The following GALNTL6 variants were observed in gnomAD, a reference collection of about 807,000 sequenced individuals.
The protein encoded by GALNTL6 is polypeptide N-acetylgalactosaminyltransferase like 6.
A neutral mutation model predicts 73.7 loss-of-function variants in GALNTL6; 46 were observed. The observed-to-expected ratio is 0.62, with a 90% confidence interval of 0.49 to 0.80. The LOEUF is 0.80. Among genes scored for constraint, GALNTL6 ranks in the 30% least tolerant of loss-of-function variants. The pLI, the probability that GALNTL6 is intolerant of heterozygous loss-of-function variation, is 0.00. For synonymous variants in GALNTL6, 259 were observed against 263.7 expected (o/e 0.98, Z 0.17); for missense variants, 604 against 755.0 (o/e 0.80, Z 2.34).
intron 3 of GALNTL6, among the ~76,000 whole-genome samples, chr4:172,245,231 G>T (rs965642854): frequency 1.3e-5 from 2 of 152,084 alleles, no homozygotes; most frequent in Non-Finnish European, 2.9e-5. Flanking sequence ...ATGTAAATTT[G>T]TATTTTCTAC....
chr4:172,139,278 T>C (rs72700951), intron 2 of GALNTL6, among the ~76,000 whole-genome samples: 60,696 of 152,056 alleles, frequency 0.4, 12,386 homozygotes, highest in Admixed American at 0.42. Context: ...GTTAAAGTGC[T>C]TCCTTTAAAG....
chr4:172,058,381 C>G (rs1731094305), intron 2 of GALNTL6, among the ~76,000 whole-genome samples: 1 of 152,076 alleles, frequency 6.6e-6, no homozygotes, highest in Non-Finnish European at 1.5e-5. Context: ...AAAATAAGAT[C>G]TCGAAAAATA....
At chr4:173,032,571 C>G (rs1753515768) in intron 12 of GALNTL6, among the ~76,000 whole-genome samples, 1 of 152,022 alleles carries the variant, frequency 6.6e-6, no homozygotes, top group Non-Finnish European at 1.5e-5. Flanking sequence ...GCATGTGGTC[C>G]CAGCTACTCA....
chr4:171,866,052 TA>T (rs1420760587), intron 2 of GALNTL6, among the ~76,000 whole-genome samples: 1 of 152,144 alleles, frequency 6.6e-6, no homozygotes, highest in Non-Finnish European at 1.5e-5. Flanking sequence ...AGAGACTTGT[TA>T]TCAATAGAAA....
chr4:172,408,384 C>A (rs1347721283), intron 5 of GALNTL6, among the ~76,000 whole-genome samples: 1 of 151,776 alleles, frequency 6.6e-6, no homozygotes, highest in African/African-American at 2.4e-5. Context: ...ATGAAAAAGG[C>A]CTGTGTTTGG....
intron 5 of GALNTL6, among the ~76,000 whole-genome samples, chr4:172,574,114 G>T (rs112806283): frequency 6.6e-6 from 1 of 152,192 alleles, no homozygotes; most frequent in East Asian, 1.9e-4. Context: ...TTCCTGTTTC[G>T]ATTTGACTTA....
At chr4:173,033,385 CAAAAA>C (rs56814083) in intron 12 of GALNTL6, among the ~76,000 whole-genome samples, 2 of 142,516 alleles carry the variant, frequency 1.4e-5, no homozygotes, top group Non-Finnish European at 1.5e-5. Context: ...TTCTAGCTGT[CAAAAA>C]AAAAAAAAAA....
At chr4:171,920,801 C>T (rs2110978220) in intron 2 of GALNTL6, among the ~76,000 whole-genome samples, 1 of 152,172 alleles carries the variant, frequency 6.6e-6, no homozygotes, top group Non-Finnish European at 1.5e-5. Flanking sequence ...TTAATAGAAA[C>T]TGGTATAAAA....
chr4:172,607,088 T>C (rs542557556), intron 5 of GALNTL6, among the ~76,000 whole-genome samples: 1 of 152,138 alleles, frequency 6.6e-6, no homozygotes, highest in African/African-American at 2.4e-5. Flanking sequence ...GTATAAATGA[T>C]ATTTGAAGTC....
intron 5 of GALNTL6, among the ~76,000 whole-genome samples, chr4:172,781,206 C>T (rs548579723): frequency 6.6e-6 from 1 of 152,136 alleles, no homozygotes; most frequent in South Asian, 2.1e-4. Context: ...TAAATGCTAC[C>T]CAGAAATTGA....
intron 11 of GALNTL6, among the ~76,000 whole-genome samples, chr4:173,009,614 C>A (rs1443567645): frequency 6.6e-6 from 1 of 152,194 alleles, no homozygotes; most frequent in African/African-American, 2.4e-5. Flanking sequence ...ACAGAGGAAG[C>A]CTGTAGAGTG....
intron 2 of GALNTL6, among the ~76,000 whole-genome samples, chr4:171,859,574 G>T (rs1201032481): frequency 6.6e-6 from 1 of 152,106 alleles, no homozygotes; most frequent in East Asian, 1.9e-4. Flanking sequence ...ATGACAAAAG[G>T]ATACAGGTTA....
At position 172,609,802 on chromosome 4, in the gene GALNTL6, T is replaced by A. The variant is rs536789550; in HGVS notation, c.554-199559T>A. 1.5e-3 allele frequency among the ~76,000 whole-genome samples: 222 copies of A among 151,904 alleles called. 3 individuals are homozygous for A. The highest frequency in any genetic ancestry group is 5.2e-3 in the African/African-American group (216 of 41,370). On this transcript the variant is annotated intron_variant, in intron 5 of 12. Transcript: ENST00000506823. ...TTCTTTGTACACCTGGTAGAATTTG[T>A]CTATGAATCCGTCTGGTCCTGGATT...
At chr4:172,260,509 C>G (rs72702866) in intron 3 of GALNTL6, among the ~76,000 whole-genome samples, 7,068 of 151,226 alleles carry the variant, frequency 0.047, 252 homozygotes, top group Non-Finnish European at 0.072. Flanking sequence ...TTTTGAATGA[C>G]TCTTTATGGA....
intron 10 of GALNTL6, among the ~76,000 whole-genome samples, chr4:172,956,160 G>T (rs898429241): frequency 2.0e-5 from 3 of 152,108 alleles, no homozygotes; most frequent in East Asian, 1.9e-4. Flanking sequence ...GAGATAATGC[G>T]CGATGTTTCT....
chr4:172,720,423 T>C (rs1044466567), intron 5 of GALNTL6, among the ~76,000 whole-genome samples: 1 of 152,190 alleles, frequency 6.6e-6, no homozygotes, highest in Non-Finnish European at 1.5e-5. Flanking sequence ...GCAAACATCC[T>C]GAACTTCCCG....
intron 5 of GALNTL6, among the ~76,000 whole-genome samples, chr4:172,561,728 A>G (rs1579190971): frequency 1.3e-5 from 2 of 152,268 alleles, no homozygotes; most frequent in Middle Eastern, 3.4e-3. Flanking sequence ...GCCTCTTAAA[A>G]TCTCAATGTC....
chr4:172,547,040 C>G (rs72997054), intron 5 of GALNTL6, among the ~76,000 whole-genome samples: 1 of 151,430 alleles, frequency 6.6e-6, no homozygotes, highest in Non-Finnish European at 1.5e-5. Context: ...ATTCTACCCT[C>G]GGTCTCTAAG....
At chr4:172,591,997 C>T (rs1560825180) in intron 5 of GALNTL6, among the ~76,000 whole-genome samples, 2 of 152,198 alleles carry the variant, frequency 1.3e-5, no homozygotes, top group African/African-American at 4.8e-5. Flanking sequence ...CAAGTATGGT[C>T]TCCATCTGCA....
Sources: gnomAD v4.1 joint callset for allele counts (sites outside exome capture counted in the v4.1 genomes callset) on GRCh38, gnomAD v4.1.1 for gene constraint, MANE v1.5 for transcripts, NCBI Gene and HGNC (gene_info 2026-07-23, HGNC 2026-07-21) for gene names.